The following RFX7 variants were observed in gnomAD, a reference collection of about 807,000 sequenced individuals.
RFX7 encodes DNA-binding protein RFX7.
In RFX7, 26 loss-of-function variants were observed where a neutral mutation model predicts 111.8. The observed-to-expected ratio is 0.23, with a 90% CI of 0.17 to 0.32. RFX7 has a LOEUF of 0.32. Ranked by LOEUF, RFX7 falls within the 10% of genes least tolerant of loss-of-function variation. RFX7 has a pLI of 1.00. For synonymous variants in RFX7, 624 were observed against 624.4 expected (o/e 1.00, Z 0.01); for missense variants, 1,573 against 1,772.9 (o/e 0.89, Z 2.02).
At chr15:56,213,906 A>C (rs539569459) in intron 2 of RFX7, among the ~76,000 whole-genome samples, 1 of 152,138 alleles carries the variant, frequency 6.6e-6, no homozygotes, top group Non-Finnish European at 1.5e-5. Flanking sequence ...TTCTTTTACA[A>C]TCTTTGTCAC....
At position 56,087,409 on chromosome 15, in the gene RFX7, A is replaced by G. The variant is rs2041540457; in HGVS notation, c.*5936T>C. Reference sequence around the variant, plus strand: ...TGGGCTCCTTGTATCTTGTTGCTCAATCATCCTCAGCATGTGTCTTTAACA... The same window carrying G: ...TGGGCTCCTTGTATCTTGTTGCTCAGTCATCCTCAGCATGTGTCTTTAACA... On this transcript the variant is annotated 3_prime_UTR_variant, in exon 10 of 10. Coordinates refer to ENST00000559447, the MANE Select transcript of RFX7 (RefSeq NM_022841.7). 3 of 456,488 alleles carry G rather than the reference A, an allele frequency of 6.6e-6. No homozygotes were observed. The highest frequency in any genetic ancestry group is 2.3e-5 in the Admixed American group (1 of 42,554). The allele number at this position is 456,488 out of a possible 1,614,324, so 28.3% of individuals were successfully genotyped here.
At chr15:56,098,464 C>T in intron 8 of RFX7, 88 bp from the exon 9 acceptor site, 2 of 1,392,156 alleles carry the variant, frequency 1.4e-6, no homozygotes, top group South Asian at 2.8e-5. Context: ...ATGTAGCCAT[C>T]TACTGGACAA....
intron 5 of RFX7, among the ~76,000 whole-genome samples, chr15:56,136,043 G>A (rs567106168): frequency 6.6e-5 from 10 of 152,164 alleles, no homozygotes; most frequent in Admixed American, 2.0e-4. Context: ...TTGAAGTCAG[G>A]TAGTGTGATG....
chr15:56,100,272 G>A (rs1012325966), intron 8 of RFX7, among the ~76,000 whole-genome samples: 1 of 152,152 alleles, frequency 6.6e-6, no homozygotes, highest in Non-Finnish European at 1.5e-5. Context: ...GAGCTATTTA[G>A]CTCGATAAGG....
intron 2 of RFX7, among the ~76,000 whole-genome samples, chr15:56,215,073 A>G (rs908274975): frequency 5.3e-5 from 8 of 152,178 alleles, no homozygotes; most frequent in Admixed American, 3.3e-4. Context: ...TACTAGTTCT[A>G]TGACTCCCAT....
Position 56,096,527 on chromosome 15 carries a change from G to T in RFX7, c.1201C>A (p.His401Asn). The change falls in exon 10 of 10, where the codon CAC becomes AAC. Residue 401 changes from histidine to asparagine, a missense_variant. This residue lies in a region of RFX7 where 288 missense variants were observed against 337.9 expected (regional missense o/e 0.85). Transcript: ENST00000559447. ...GGTGCCTGTTTCACAGACTGCATGT[G>T]CTGAGTGACCACCTGTACATTGAGG... ...LPLNVQVVTQ[H>N]MQSVKQAPKT... 7 of 1,602,212 alleles carry T rather than the reference G, an allele frequency of 4.4e-6. No homozygotes were observed. The highest frequency in any genetic ancestry group is 6.0e-6 in the Non-Finnish European group (7 of 1,174,206).
intron 3 of RFX7, among the ~76,000 whole-genome samples, chr15:56,148,793 A>G (rs889001744): frequency 1.3e-5 from 2 of 152,058 alleles, no homozygotes; most frequent in Non-Finnish European, 2.9e-5. Flanking sequence ...TTAAGAATCA[A>G]TGTGTCGGCC....
chr15:56,158,449 A>G (rs997219064), intron 3 of RFX7, among the ~76,000 whole-genome samples: 1 of 152,196 alleles, frequency 6.6e-6, no homozygotes, highest in African/African-American at 2.4e-5. Flanking sequence ...ATCAACAAGT[A>G]TAGAAAATTT....
chr15:56,133,940 C>A (rs760222565), intron 5 of RFX7, among the ~76,000 whole-genome samples: 1 of 152,072 alleles, frequency 6.6e-6, no homozygotes, highest in East Asian at 1.9e-4. Flanking sequence ...CTTACAATAA[C>A]CATATTATTT....
chr15:56,112,116 G>GA (rs754438474), intron 5 of RFX7, among the ~76,000 whole-genome samples: 509 of 95,680 alleles, frequency 5.3e-3, no homozygotes, highest in African/African-American at 0.011. Flanking sequence ...CTTTGCCCCA[G>GA]AAAAAAAAAA....
chr15:56,136,016 T>C (rs2042296933), intron 5 of RFX7, among the ~76,000 whole-genome samples: 1 of 152,032 alleles, frequency 6.6e-6, no homozygotes, highest in Non-Finnish European at 1.5e-5. Flanking sequence ...TTGGTTACTG[T>C]AGCCTTGTAG....
At chr15:56,106,106 C>G (rs2041826359) in intron 5 of RFX7, among the ~76,000 whole-genome samples, 1 of 152,164 alleles carries the variant, frequency 6.6e-6, no homozygotes, top group African/African-American at 2.4e-5. Flanking sequence ...ATTTTAATGC[C>G]TCACTGGGCC....
chr15:56,208,968 A>C (rs1167394407), intron 2 of RFX7, among the ~76,000 whole-genome samples: 2 of 152,174 alleles, frequency 1.3e-5, no homozygotes, highest in Non-Finnish European at 2.9e-5. Flanking sequence ...AGGATAGGAA[A>C]AAGAGTAATA....
intron 2 of RFX7, among the ~76,000 whole-genome samples, chr15:56,202,348 A>T (rs1290295812): frequency 3.3e-5 from 5 of 152,246 alleles, no homozygotes; most frequent in African/African-American, 1.2e-4. Flanking sequence ...GGTACTTAAG[A>T]TCTTTTTCAT....
intron 2 of RFX7, among the ~76,000 whole-genome samples, chr15:56,193,958 A>G (rs1033270263): frequency 2.6e-5 from 4 of 152,150 alleles, no homozygotes; most frequent in African/African-American, 9.6e-5. Flanking sequence ...ACCATGTAAC[A>G]TTTCCCTTTA....
chr15:56,228,035 T>C (rs1384782557), intron 2 of RFX7, among the ~76,000 whole-genome samples: 2 of 152,172 alleles, frequency 1.3e-5, no homozygotes, highest in Non-Finnish European at 2.9e-5. Flanking sequence ...TTCACTGCAC[T>C]TTCTTCTTGC....
At chr15:56,112,124 A>G in intron 5 of RFX7, among the ~76,000 whole-genome samples, 1 of 151,762 alleles carries the variant, frequency 6.6e-6, no homozygotes, top group South Asian at 2.1e-4. Context: ...CAGAAAAAAA[A>G]AAAAAAAAAG....
chr15:56,158,059 CAAAT>C (rs1391098380), intron 3 of RFX7, among the ~76,000 whole-genome samples: 8 of 151,988 alleles, frequency 5.3e-5, no homozygotes, highest in African/African-American at 1.9e-4. Flanking sequence ...CTCCTACTGA[CAAAT>C]TAATAATAAA....
chr15:56,244,077 G>A (rs1478921120), upstream of RFX7: 3 of 151,724 alleles, frequency 2.0e-5, no homozygotes, highest in African/African-American at 7.3e-5. Flanking sequence ...GGAAAACGTG[G>A]GGGAGGTGCT....
Sources: allele counts gnomAD v4.1 joint callset (sites outside exome capture counted in the v4.1 genomes callset), GRCh38; gene constraint gnomAD v4.1.1; regional missense constraint gnomAD v4.1.1; transcripts MANE v1.5; gene names NCBI Gene and HGNC (gene_info 2026-07-23, HGNC 2026-07-21).